Variants in TIAM1 observed in about 807,000 individuals in gnomAD.
TIAM1 encodes rho guanine nucleotide exchange factor TIAM1.
Under a neutral mutation model 163.5 loss-of-function variants are expected in TIAM1, and 65 were observed. The ratio of observed to expected loss-of-function variants is 0.40; its 90% CI spans 0.33 to 0.49. TIAM1 has a LOEUF of 0.49. Among genes scored for constraint, TIAM1 ranks in the 20% least tolerant of loss-of-function variants. The pLI, the probability that TIAM1 is intolerant of heterozygous loss-of-function variation, is 0.77. For synonymous variants in TIAM1, 833 were observed against 810.1 expected (o/e 1.03, Z -0.48); for missense variants, 1,789 against 2,044.7 (o/e 0.87, Z 2.41).
At chr21:31,546,113 A>T (rs1052576576) in intron 1 of TIAM1, among the ~76,000 whole-genome samples, 1 of 151,826 alleles carries the variant, frequency 6.6e-6, no homozygotes, top group African/African-American at 2.4e-5. Flanking sequence ...AACCACCCTT[A>T]ATCTCAACAC....
chr21:31,546,447 G>A (rs1451791805), intron 1 of TIAM1, among the ~76,000 whole-genome samples: 1 of 152,104 alleles, frequency 6.6e-6, no homozygotes, highest in Non-Finnish European at 1.5e-5. Flanking sequence ...CTACTCAGGA[G>A]GCTGAGGAAG....
At chr21:31,189,849 A>G (rs2247014) in intron 13 of TIAM1, among the ~76,000 whole-genome samples, 38,089 of 152,088 alleles carry the variant, frequency 0.25, 8,347 homozygotes, top group African/African-American at 0.57. Flanking sequence ...ATTATGTGGA[A>G]CTGAATGAAG....
rs2044441960 is a variant in TIAM1, at chr21:31,442,070, A to ATATATATATATATATATAT, written c.-369+21912_-369+21913insATATATATATATATATATA. On this transcript the variant is annotated intron_variant, in intron 2 of 28. Transcript: ENST00000286827. ...GACCCTATCTCAGAACAAATAAATAAATATATATATATATATAGAACAATA... is the reference window on the plus strand; with the variant it reads ...GACCCTATCTCAGAACAAATAAATAATATATATATATATATATATATATATATATATATATAGAACAATA... Among the ~76,000 whole-genome samples, 9 of 53,228 alleles carry ATATATATATATATATATAT rather than the reference A, an allele frequency of 1.7e-4. No individual in the cohort carries two copies. In the East Asian group the frequency reaches 1.8e-3, roughly 11 times the overall value. 34.9% of individuals were successfully genotyped at this position (53,228 alleles called of 152,430 possible).
rs1259639259 is a variant in TIAM1, at chr21:31,515,374, T to C, written c.-422+43553A>G. ...CAAAATCTGTGCACTGTGCCCCAGA[T>C]CTACTGAAACAGAAGCTTGGGGTGA... On this transcript the variant is annotated intron_variant, in intron 1 of 28. Coordinates refer to the TIAM1 transcript ENST00000286827. Among the ~76,000 whole-genome samples, 3 of 152,150 alleles carry C rather than the reference T, an allele frequency of 2.0e-5. No homozygotes were observed. In the East Asian group the frequency reaches 5.8e-4, roughly 29 times the overall value.
At chr21:31,336,488 C>CTTTTT (rs34052300) in intron 2 of TIAM1, among the ~76,000 whole-genome samples, 3 of 125,466 alleles carry the variant, frequency 2.4e-5, no homozygotes, top group Admixed American at 8.2e-5. Context: ...TTGCCCCTTG[C>CTTTTT]TTTTTTTTTT....
chr21:31,210,589 AGAAAGAGAGAAAGAAGGAAGGAAGGG>A (rs2086696839), intron 10 of TIAM1, among the ~76,000 whole-genome samples: 2 of 116,252 alleles, frequency 1.7e-5, no homozygotes, highest in African/African-American at 9.5e-5. Flanking sequence ...AAAGAAAGAA[AGAAAGAGAGAAAGAAGGAAGGAAGGG>A]AGAAAGAAAG....
rs137864006 is a variant in TIAM1 at position 31,322,864 on chromosome 21, C to T, written c.-189+16379G>A. The stretch of plus-strand genomic sequence containing the variant: ...GCAACCACTGGTCACTTCAGCCAGG[C>T]GGGGCCCACTTCATGGTTTTCCCAC... On this transcript the variant is annotated intron_variant, in intron 2 of 27. Coordinates refer to ENST00000541036, the MANE Select transcript of TIAM1 (RefSeq NM_001353694.2). Among the ~76,000 whole-genome samples the T allele has an allele frequency of 8.0e-4, 122 of 152,308 alleles. 1 individual carries two copies. Among genetic ancestry groups the T allele is most frequent in the African/African-American group, 2.8e-3 (117 of 41,570 alleles).
intron 2 of TIAM1, among the ~76,000 whole-genome samples, chr21:31,316,367 T>C (rs918651983): frequency 1.1e-4 from 17 of 152,186 alleles, no homozygotes; most frequent in African/African-American, 4.1e-4. Flanking sequence ...GAAAGGTTTA[T>C]ACCGATTGAG....
rs971035572 is a variant in TIAM1, at chr21:31,213,044, G to T, written c.2217+354C>A. ...CATGTGTGGGCAGAGAGGGAGGGTA[G>T]TAAGAACACACCTCTTGGGAAGAGA... On this transcript the variant is annotated intron_variant, in intron 10 of 27. Transcript: ENST00000541036. The T allele has an allele frequency of 2.4e-5, 5 of 210,370 alleles. No individual in the cohort carries two copies. In the Admixed American group the frequency reaches 2.7e-4, roughly 11 times the overall value. The allele number at this position is 210,370 out of a possible 1,614,324, so 13.0% of individuals were successfully genotyped here. A position where few individuals can be genotyped will look rare whatever the true frequency, so the allele number is the denominator to read the frequency against.
intron 1 of TIAM1, among the ~76,000 whole-genome samples, chr21:31,479,414 C>T (rs983981935): frequency 6.7e-6 from 1 of 149,192 alleles, no homozygotes; most frequent in Non-Finnish European, 1.5e-5. Flanking sequence ...GAGGGGCGGG[C>T]GGATGGACGG....
intron 8 of TIAM1, among the ~76,000 whole-genome samples, chr21:31,221,755 T>C (rs2087571890): frequency 6.6e-6 from 1 of 152,226 alleles, no homozygotes; most frequent in Non-Finnish European, 1.5e-5. Flanking sequence ...TTCATAAAAA[T>C]GCGTCCTCAA....
At chr21:31,128,821 GTGAAGGAAGAGA>G (rs2082305671) in intron 25 of TIAM1, among the ~76,000 whole-genome samples, 1 of 152,220 alleles carries the variant, frequency 6.6e-6, no homozygotes, top group African/African-American at 2.4e-5. Context: ...CAGAAAAACT[GTGAAGGAAGAGA>G]TGCCTCATTT....
intron 2 of TIAM1, among the ~76,000 whole-genome samples, chr21:31,371,333 G>C (rs1361241717): frequency 6.6e-6 from 1 of 152,196 alleles, no homozygotes; most frequent in African/African-American, 2.4e-5. Flanking sequence ...AAGGCAGGAA[G>C]GGGGCTAAGA....
chr21:31,294,033 C>T (rs1345599552), intron 2 of TIAM1, among the ~76,000 whole-genome samples: 1 of 152,170 alleles, frequency 6.6e-6, no homozygotes, highest in African/African-American at 2.4e-5. Context: ...AGTCTTGGAT[C>T]TGAAATCATC....
chr21:31,318,821 A>G (rs896140513), intron 2 of TIAM1, among the ~76,000 whole-genome samples: 1 of 152,220 alleles, frequency 6.6e-6, no homozygotes, highest in Non-Finnish European at 1.5e-5. Context: ...TGCTTCCTCC[A>G]TAACACAACA....
chr21:31,348,777 A>C (rs1380854176), upstream of TIAM1, among the ~76,000 whole-genome samples: 2 of 152,208 alleles, frequency 1.3e-5, no homozygotes, highest in Non-Finnish European at 2.9e-5. Flanking sequence ...CTGAGAGACA[A>C]ACAAGGTTCA....
intron 1 of TIAM1, among the ~76,000 whole-genome samples, chr21:31,343,396 C>T (rs1245891901): frequency 6.6e-6 from 1 of 152,124 alleles, no homozygotes; most frequent in Non-Finnish European, 1.5e-5. Flanking sequence ...GATCCCAGCC[C>T]CCAGCACCAC....
At position 31,494,629 on chromosome 21, in the gene TIAM1, G is replaced by A. The variant is rs186542229; in HGVS notation, c.-421-30594C>T. On this transcript the variant is annotated intron_variant, in intron 1 of 28. Coordinates refer to the TIAM1 transcript ENST00000286827. ...GGAGGCCGAGGCAGGTGGATCACAC[G>A]GTCAAGAGATGGAGACCATCCTGGC... 4.4e-3 allele frequency among the ~76,000 whole-genome samples: 672 copies of A among 152,256 alleles called. 6 individuals carry two copies. Among genetic ancestry groups the A allele is most frequent in the African/African-American group, 0.015 (639 of 41,530 alleles).
intron 4 of TIAM1, among the ~76,000 whole-genome samples, chr21:31,264,529 T>C (rs1304643009): frequency 1.3e-5 from 2 of 152,220 alleles, no homozygotes; most frequent in Non-Finnish European, 1.5e-5. Flanking sequence ...AAATTAAGGC[T>C]ACAAGAATGT....
Sources: allele counts gnomAD v4.1 joint callset (sites outside exome capture counted in the v4.1 genomes callset), GRCh38; gene constraint gnomAD v4.1.1; transcripts MANE v1.5; gene names NCBI Gene and HGNC (gene_info 2026-07-23, HGNC 2026-07-21).